LCOR: variants seen among roughly 807,000 people sequenced by gnomAD.
The protein encoded by LCOR is ligand dependent nuclear receptor corepressor.
In LCOR, 14 loss-of-function variants were observed where a neutral mutation model predicts 64.4. The ratio of observed to expected loss-of-function variants is 0.22; its 90% confidence interval spans 0.14 to 0.34. The LOEUF (loss-of-function observed/expected upper bound fraction) is 0.34, where lower values mean the gene tolerates loss of function less well. LCOR is among the 10% of genes least tolerant of loss of function. LCOR has a pLI of 1.00. For synonymous variants in LCOR, 643 were observed against 642.5 expected (o/e 1.00, Z -0.01); for missense variants, 1,686 against 1,765.3 (o/e 0.96, Z 0.80).
chr10:96,845,689 G>T (rs1039106290), intron 2 of LCOR, among the ~76,000 whole-genome samples: 3 of 150,354 alleles, frequency 2.0e-5, no homozygotes, highest in Non-Finnish European at 4.4e-5. Flanking sequence ...GGATGATGTC[G>T]ATCTCCTGAC....
At chr10:96,904,394 T>C (rs905550666) in intron 2 of LCOR, among the ~76,000 whole-genome samples, 1 of 152,044 alleles carries the variant, frequency 6.6e-6, no homozygotes, top group African/African-American at 2.4e-5. Context: ...TAACAGTAGG[T>C]AGGGTCAAAT....
Position 96,990,989 on chromosome 10 carries a change from A to G in LCOR, c.*5855A>G, listed in dbSNP as rs1848195351. On this transcript the variant is annotated 3_prime_UTR_variant, in exon 8 of 8. Coordinates refer to ENST00000421806, the MANE Select transcript of LCOR (RefSeq NM_001346516.2). ...ATTACAATATGCCAGGGGTTGGACAAATGGATTTTTTACCCTTTTTTAAAG... is the reference window on the plus strand; with the variant it reads ...ATTACAATATGCCAGGGGTTGGACAGATGGATTTTTTACCCTTTTTTAAAG... 2.0e-5 allele frequency: 3 copies of G among 151,020 alleles called. No homozygotes were observed. Among genetic ancestry groups the G allele is most frequent in the South Asian group, 4.3e-4 (2 of 4,702 alleles). 9.4% of individuals were successfully genotyped at this position (151,020 alleles called of 1,614,324 possible).
chr10:96,918,976 C>T (rs966460879), intron 4 of LCOR, among the ~76,000 whole-genome samples: 1 of 152,170 alleles, frequency 6.6e-6, no homozygotes, highest in Non-Finnish European at 1.5e-5. Flanking sequence ...AATAAGATTT[C>T]GTTATCTCTA....
In LCOR at chr10:96,987,622, A is replaced by G. The variant is rs1848158851; in HGVS notation, c.*2488A>G. On this transcript the variant is annotated 3_prime_UTR_variant, in exon 8 of 8. Coordinates refer to ENST00000421806, the MANE Select transcript of LCOR (RefSeq NM_001346516.2). The stretch of plus-strand genomic sequence containing the variant: ...TCAACTTATACTTTATAATAAGGAC[A>G]TTTAAATAGACCAAGAGTCTACATA... 6.6e-6 allele frequency: 1 copy of G among 152,268 alleles called. No individual in the cohort carries two copies. Among genetic ancestry groups the G allele is most frequent in the African/African-American group, 2.4e-5 (1 of 41,474 alleles). 9.4% of individuals were successfully genotyped at this position (152,268 alleles called of 1,614,324 possible).
At chr10:96,930,819 T>TG (rs1222586554) in intron 4 of LCOR, among the ~76,000 whole-genome samples, 2 of 152,204 alleles carry the variant, frequency 1.3e-5, no homozygotes, top group Non-Finnish European at 2.9e-5. Flanking sequence ...TGCCCTTCTC[T>TG]GCCTTCTGCC....
intron 2 of LCOR, among the ~76,000 whole-genome samples, chr10:96,898,572 A>G (rs1238602602): frequency 6.6e-6 from 1 of 152,196 alleles, no homozygotes; most frequent in Non-Finnish European, 1.5e-5. Flanking sequence ...ACTAAGATAA[A>G]TTAAAAATTA....
At chr10:96,900,582 G>A (rs1280234076) in intron 2 of LCOR, among the ~76,000 whole-genome samples, 2 of 151,950 alleles carry the variant, frequency 1.3e-5, no homozygotes, top group African/African-American at 4.8e-5. Context: ...AACAAAAATA[G>A]TATGAAAATG....
At chr10:96,856,997 CTT>C (rs138155097) in intron 2 of LCOR, among the ~76,000 whole-genome samples, 1,649 of 152,014 alleles carry the variant, frequency 0.011, 19 homozygotes, top group African/African-American at 0.037. Flanking sequence ...AAAAAATAGA[CTT>C]AACCACTTCA....
At chr10:96,841,030 G>C (rs569885702) in intron 2 of LCOR, among the ~76,000 whole-genome samples, 10 of 152,276 alleles carry the variant, frequency 6.6e-5, no homozygotes, top group African/African-American at 2.4e-4. Context: ...TGTAGTCCCA[G>C]CTACTCGGAA....
intron 7 of LCOR, chr10:96,958,385 C>T: frequency 6.5e-6 from 10 of 1,527,488 alleles, no homozygotes; most frequent in Non-Finnish European, 7.9e-6. Flanking sequence ...ATTTTACTAA[C>T]ATAAATATTT....
Position 96,980,806 on chromosome 10 carries a change from G to A in LCOR, c.346G>A (p.Glu116Lys). 1.4e-6 allele frequency: 1 copy of A among 701,090 alleles called. No homozygotes were observed. The highest frequency in any genetic ancestry group is 2.6e-6 in the Non-Finnish European group (1 of 383,686). The allele number at this position is 701,090 out of a possible 1,614,324, so 43.4% of individuals were successfully genotyped here. ...STQGNGENSTEAKAVDSNNQS... is the reference protein window; with the variant it reads ...STQGNGENSTKAKAVDSNNQS... ...TTCTCTGTCTAGTGAGAACTCAACAGAGGCAAAAGCAGTAGATTCTAACAA... is the reference window on the plus strand; with the variant it reads ...TTCTCTGTCTAGTGAGAACTCAACAAAGGCAAAAGCAGTAGATTCTAACAA... The change falls in exon 8 of 8, where the codon GAG becomes AAG. Residue 116 changes from glutamate to lysine, a missense_variant. By Grantham distance (56) the Glu-to-Lys change is moderately conservative. Transcript: ENST00000421806.
chr10:96,958,649 T>C, intron 7 of LCOR: 1 of 560,534 alleles, frequency 1.8e-6, no homozygotes. Flanking sequence ...TGTGAAGCTT[T>C]TAAACATTAC....
intron 7 of LCOR, among the ~76,000 whole-genome samples, chr10:96,952,655 T>C (rs1417624234): frequency 2.6e-5 from 4 of 152,156 alleles, no homozygotes; most frequent in Non-Finnish European, 5.9e-5. Flanking sequence ...TCAGAAAATG[T>C]AGTTTTCTGA....
chr10:96,847,443 T>C lies in LCOR; in HGVS notation c.-330+13964T>C, dbSNP rs529223976. Among the ~76,000 whole-genome samples, 37 of 150,818 alleles carry C rather than the reference T, an allele frequency of 2.5e-4. No individual in the cohort carries two copies. In the South Asian group the frequency reaches 3.5e-3, roughly 14 times the overall value. ...ATTTATTTATTTATTTACTTACTTA[T>C]TTATTTATTTTTTGAGACAGAGTTT... is the stretch of plus-strand genomic sequence containing the variant. On this transcript the variant is annotated intron_variant, in intron 2 of 7. Coordinates refer to ENST00000421806, the MANE Select transcript of LCOR (RefSeq NM_001346516.2).
Position 96,911,941 on chromosome 10 carries a change from T to A in LCOR, c.-184+4194T>A, listed in dbSNP as rs549035301. On this transcript the variant is annotated intron_variant, in intron 4 of 7. Transcript: ENST00000421806. Reference sequence around the variant, plus strand: ...ATGAGGCTTTTCTTTTCTTTCTTTCTTTTTTTTTGTGAGATGGAGTCTCAC... The same window carrying A: ...ATGAGGCTTTTCTTTTCTTTCTTTCATTTTTTTTGTGAGATGGAGTCTCAC... Among the ~76,000 whole-genome samples, 431 of 151,516 alleles carry A rather than the reference T, an allele frequency of 2.8e-3. 6 individuals carry two copies. Among genetic ancestry groups the A allele is most frequent in the African/African-American group, 9.4e-3 (387 of 41,340 alleles).
At chr10:96,865,188 A>AAT (rs1845950489) in intron 2 of LCOR, among the ~76,000 whole-genome samples, 1 of 152,130 alleles carries the variant, frequency 6.6e-6, no homozygotes, top group Non-Finnish European at 1.5e-5. Context: ...TTTATATAAA[A>AAT]ATTTATATTT....
At chr10:96,969,942 G>T (rs1409766898) in intron 7 of LCOR, among the ~76,000 whole-genome samples, 1 of 105,998 alleles carries the variant, frequency 9.4e-6, no homozygotes, top group African/African-American at 3.3e-5. Context: ...ATCACACCTG[G>T]ATAATTTTTT....
In LCOR at chr10:96,911,706, G is replaced by GTGAC. The variant is rs909148634; in HGVS notation, c.-184+3974_-184+3977dup. Among the ~76,000 whole-genome samples, 306 of 152,294 alleles carry GTGAC rather than the reference G, an allele frequency of 2.0e-3. 4 individuals are homozygous for GTGAC. The highest frequency in any genetic ancestry group is 8.7e-4 in the Non-Finnish European group (59 of 68,012). Reference sequence around the variant, plus strand: ...TTCTAGCTATGTTAGGAATCTGTGAGTGACTGACTGACTGACTGCCTGACT... The same window carrying GTGAC: ...TTCTAGCTATGTTAGGAATCTGTGAGTGACTGACTGACTGACTGACTGCCTGACT... On this transcript the variant is annotated intron_variant, in intron 4 of 7. Transcript: ENST00000421806.
chr10:96,937,599 G>C (rs1223186778), intron 4 of LCOR, among the ~76,000 whole-genome samples: 1 of 151,172 alleles, frequency 6.6e-6, no homozygotes, highest in African/African-American at 2.4e-5. Flanking sequence ...CAATCTGCCC[G>C]CCTCGGCCTC....
Sources: gnomAD v4.1 joint callset for allele counts (sites outside exome capture counted in the v4.1 genomes callset) on GRCh38, gnomAD v4.1.1 for gene constraint, MANE v1.5 for transcripts, NCBI Gene and HGNC (gene_info 2026-07-23, HGNC 2026-07-21) for gene names.